MICALL2: variants seen among roughly 807,000 people sequenced by gnomAD.
The protein encoded by MICALL2 is MICAL like 2, also known as MICAL-like protein 2.
In MICALL2, 111 loss-of-function variants were observed where a neutral mutation model predicts 91.1. The ratio of observed to expected loss-of-function variants is 1.22; its 90% CI spans 1.04 to 1.43. MICALL2 has a LOEUF of 1.43. Among genes scored for constraint, MICALL2 ranks in the 40% most tolerant of loss-of-function variants. MICALL2 has a pLI of 0.00. For missense variants in MICALL2, 1,556 were observed against 1,236.0 expected (o/e 1.26, Z -3.88); for synonymous variants, 694 against 525.3 (o/e 1.32, Z -4.39).
intron 7 of MICALL2, chr7:1,441,379 G>C (rs1468687012): frequency 6.5e-6 from 1 of 154,188 alleles, no homozygotes; most frequent in Non-Finnish European, 1.4e-5. Flanking sequence ...GCTGGCACAG[G>C]GTTGGCCTCA....
rs1026007211 is a variant in MICALL2, at chr7:1,452,259, C to T, written c.144-1971G>A. Among the ~76,000 whole-genome samples the T allele has an allele frequency of 6.6e-6, 1 of 152,196 alleles. No homozygotes were observed. The highest frequency in any genetic ancestry group is 1.5e-5 in the Non-Finnish European group (1 of 68,026). ...TCCCTGGGCTCAGTGGCAGCGAAAG[C>T]GGTTTCCGTCTGCTCGGGCCTGGGC... On this transcript the variant is annotated intron_variant, in intron 1 of 16. Transcript: ENST00000297508. This position sits in a 1 kb window ranked among gnomAD's most constrained non-coding sequence, Gnocchi z 6.2.
intron 1 of MICALL2, 190 bp from the exon 2 acceptor site, chr7:1,450,478 G>A: frequency 1.7e-6 from 1 of 604,280 alleles, no homozygotes; most frequent in South Asian, 1.9e-5. Flanking sequence ...CCACGGTGAT[G>A]CTGCTGGGAC....
chr7:1,438,066 G>A (rs1780063734), intron 12 of MICALL2, 31 bp downstream of exon 12: 1 of 1,568,000 alleles, frequency 6.4e-7, no homozygotes, highest in Non-Finnish European at 8.6e-7. Flanking sequence ...GTGGGAGTCG[G>A]GCTGGCCCAG....
chr7:1,442,163 G>C, intron 7 of MICALL2, 29 bp downstream of exon 7: 2 of 1,608,248 alleles, frequency 1.2e-6, no homozygotes, highest in Non-Finnish European at 8.5e-7. Context: ...GGGCCCCCGG[G>C]GCCTCCTGCC....
intron 2 of MICALL2, among the ~76,000 whole-genome samples, chr7:1,449,269 T>C (rs1780733206): frequency 6.6e-6 from 1 of 152,242 alleles, no homozygotes; most frequent in Admixed American, 6.5e-5. Context: ...GCATGGGAAG[T>C]GTGGCCGGCA....
intron 7 of MICALL2, chr7:1,441,528 T>C (rs1486593302): frequency 1.3e-5 from 2 of 153,676 alleles, no homozygotes; most frequent in African/African-American, 4.8e-5. Flanking sequence ...CAGGACTGTG[T>C]GGTCCAGGGA....
At position 1,452,965 on chromosome 7, in the gene MICALL2, C is replaced by T. The variant is rs1286272349; in HGVS notation, c.144-2677G>A. On this transcript the variant is annotated intron_variant, in intron 1 of 16. Transcript: ENST00000297508. The surrounding 1 kb of genome is among the most constrained non-coding windows in gnomAD (Gnocchi z 6.2). Reference sequence around the variant, plus strand: ...TCCCGGCACAGAACAGCTTTTCCCACACTCCGCCCGATGCACCCGCCAGGC... The same window carrying T: ...TCCCGGCACAGAACAGCTTTTCCCATACTCCGCCCGATGCACCCGCCAGGC... Among the ~76,000 whole-genome samples the T allele has an allele frequency of 6.6e-6, 1 of 151,976 alleles. No individual in the cohort carries two copies. Among genetic ancestry groups the T allele is most frequent in the Non-Finnish European group, 1.5e-5 (1 of 67,978 alleles).
chr7:1,438,862 T>TTTC lies in MICALL2; in HGVS notation c.2097_2099dup (p.Lys700dup), dbSNP rs1214208017. ...GACCTGGTTTGCCCTGAAGGTGAGG[T>TTTC]TTCTTCTCCTCCTCCTTCCAGCTCT... is the stretch of plus-strand genomic sequence containing the variant. On this transcript the variant is annotated inframe_insertion, in exon 10 of 17. Coordinates refer to ENST00000297508, the MANE Select transcript of MICALL2 (RefSeq NM_182924.4). 5.0e-6 allele frequency: 8 copies of TTTC among 1,607,840 alleles called. No individual in the cohort carries two copies. The South Asian group carries it at 5.5e-5, about 11-fold the overall frequency.
Position 1,452,157 on chromosome 7 carries a change from C to T in MICALL2, c.144-1869G>A, listed in dbSNP as rs1780858356. ...TTCAGACGGCAGGACCACCCGTCTG[C>T]ACAGGCGGAGCTTCTGCACGCCGGA... On this transcript the variant is annotated intron_variant, in intron 1 of 16. Transcript: ENST00000297508. The surrounding 1 kb of genome is among the most constrained non-coding windows in gnomAD (Gnocchi z 6.2). 6.6e-6 allele frequency among the ~76,000 whole-genome samples: 1 copy of T among 152,234 alleles called. No individual in the cohort carries two copies.
intron 13 of MICALL2, 100 bp from the exon 14 acceptor site, chr7:1,437,708 G>A (rs1310524335): frequency 2.7e-5 from 37 of 1,347,748 alleles, no homozygotes; most frequent in East Asian, 2.5e-5. Flanking sequence ...ACACAGACAC[G>A]AGTCTGAGGC....
intron 5 of MICALL2, among the ~76,000 whole-genome samples, chr7:1,446,359 AG>A (rs1780580562): frequency 8.6e-3 from 1 of 116 alleles, no homozygotes; most frequent in African/African-American, 0.062. Flanking sequence ...GGGAGGAGGG[AG>A]AGGAGGGGGG....
At chr7:1,450,354 C>G in intron 1 of MICALL2, 66 bp from the exon 2 acceptor site, 1 of 1,359,046 alleles carries the variant, frequency 7.4e-7, no homozygotes, top group Non-Finnish European at 1.1e-6. Flanking sequence ...TGGAGGGCCT[C>G]AGAGGTCATC....
At position 1,444,931 on chromosome 7, in the gene MICALL2, C is replaced by A; in HGVS notation, c.1139G>T (p.Gly380Val). 6.5e-7 allele frequency: 1 copy of A among 1,528,710 alleles called. No individual in the cohort carries two copies. The highest frequency in any genetic ancestry group is 8.8e-7 in the Non-Finnish European group (1 of 1,140,748). The allele number at this position is 1,528,710 out of a possible 1,614,324, so 94.7% of individuals were successfully genotyped here. A position where few individuals can be genotyped will look rare whatever the true frequency, so the allele number is the denominator to read the frequency against. Residue 380 changes from glycine (G) to valine (V), a missense_variant, in exon 6 of 17, where the codon GGA becomes GTA. Physicochemically the swap from Gly to Val is moderately radical, Grantham distance 109. Transcript: ENST00000297508. ...TTGAGGAGCTGCCACTCGGGGGGCT[C>A]CCCCACCCTGGGGTGTGGCCGGGCG... ...DPRPATPQGG[G>V]APRVAAPQTT...
In MICALL2 at chr7:1,442,239, T is replaced by C. The variant is rs1382076368; in HGVS notation, c.1664A>G (p.Lys555Arg). Reference protein sequence around the residue: ...VGRVGAGSRPKPEAPMAKGKS... With the variant: ...VGRVGAGSRPRPEAPMAKGKS... ...ACCCTTTGCCATCGGGGCCTCTGGC[T>C]TCGGCCTGGAGCCAGCACCCACCCT... Residue 555 changes from lysine to arginine, a missense_variant, in exon 7 of 17, where the codon AAG (lysine) becomes AGG (arginine). Physicochemically the swap from Lys to Arg is conservative, Grantham distance 26. Coordinates refer to ENST00000297508, the MANE Select transcript of MICALL2 (RefSeq NM_182924.4). 1 of 1,612,858 alleles carries C rather than the reference T, an allele frequency of 6.2e-7. No homozygotes were observed. Among genetic ancestry groups the C allele is most frequent in the South Asian group, 1.1e-5 (1 of 91,082 alleles).
chr7:1,435,150 G>A lies in MICALL2; in HGVS notation c.2592-3C>T, dbSNP rs1779904561. On this transcript the variant is annotated splice_polypyrimidine_tract_variant and splice_region_variant and intron_variant, in intron 15 of 16. Coordinates refer to ENST00000297508, the MANE Select transcript of MICALL2 (RefSeq NM_182924.4). ...GCATCTGATCCTCCTCTTGTTCCCT[G>A]AAACGGGACCAGATGGCCATGAGCG... 1.2e-6 allele frequency: 2 copies of A among 1,613,344 alleles called. No homozygotes were observed. Among genetic ancestry groups the A allele is most frequent in the African/African-American group, 1.3e-5 (1 of 74,906 alleles).
intron 6 of MICALL2, among the ~76,000 whole-genome samples, chr7:1,444,006 G>A (rs1584215484): frequency 6.6e-6 from 1 of 151,948 alleles, no homozygotes; most frequent in South Asian, 2.1e-4. Context: ...CCCAGCCAGC[G>A]TGGGTCCCGC....
rs367779763 is a variant in MICALL2, at chr7:1,438,137, G to T, written c.2271C>A (p.Arg757=). ...IERRLDALEL[R]GVELEKRLRA... ...GCAGTCGCTTCTCCAGCTCCACGCCGCGGAGCTCCAGGGCGTCCAGCCGCC... is the reference window on the plus strand; with the variant it reads ...GCAGTCGCTTCTCCAGCTCCACGCCTCGGAGCTCCAGGGCGTCCAGCCGCC... Residue 757 remains arginine (R), a synonymous_variant, in exon 12 of 17, where the codon CGC becomes CGA. Transcript: ENST00000297508. 2 of 1,561,872 alleles carry T rather than the reference G, an allele frequency of 1.3e-6. No individual in the cohort carries two copies. Among genetic ancestry groups the T allele is most frequent in the South Asian group, 1.2e-5 (1 of 85,048 alleles).
intron 15 of MICALL2, among the ~76,000 whole-genome samples, chr7:1,436,252 A>G (rs983970856): frequency 2.0e-5 from 3 of 151,668 alleles, no homozygotes; most frequent in African/African-American, 4.8e-5. Flanking sequence ...TTAGCCGGGC[A>G]TGGTGGTGCG....
chr7:1,438,663 C>T (rs1780106401), intron 10 of MICALL2, 177 bp downstream of exon 10: 3 of 1,433,288 alleles, frequency 2.1e-6, no homozygotes, highest in Non-Finnish European at 2.7e-6. Context: ...TCTGAAACAG[C>T]TAGGGTCTCT....
Sources: gnomAD v4.1 joint callset for allele counts (sites outside exome capture counted in the v4.1 genomes callset) on GRCh38, gnomAD v4.1.1 for gene constraint, Gnocchi (gnomAD v3.1) non-coding constraint, MANE v1.5 for transcripts, NCBI Gene and HGNC (gene_info 2026-07-23, HGNC 2026-07-21) for gene names.